The following SLC35E4 variants were observed in gnomAD, a reference collection of about 807,000 sequenced individuals.
SLC35E4 encodes solute carrier family 35, member E4.
SLC35E4 carries 15 observed loss-of-function variants against 19.3 expected under a neutral mutation model. That is an observed-to-expected ratio of 0.78 (90% CI 0.52 to 1.20). The LOEUF is 1.20. Ranked by LOEUF, SLC35E4 falls within the 50% of genes most tolerant of loss-of-function variation. The pLI, the probability that SLC35E4 is intolerant of heterozygous loss-of-function variation, is 0.00. For missense variants in SLC35E4, 406 were observed against 472.3 expected, an observed-to-expected ratio of 0.86 and a Z score of 1.30; for synonymous variants, 219 against 219.9, an observed-to-expected ratio of 1.00 and a Z score of 0.04.
At chr22:30,649,054 C>T (rs1421109086), downstream of SLC35E4, 10 of 632,656 alleles carry the variant, frequency 1.6e-5, no homozygotes, top group East Asian at 2.8e-4. Flanking sequence ...AGCCAGCTAC[C>T]TCTCCTGGAG....
At chr22:30,659,155 T>C (rs1001473367) in intron 2 of SLC35E4, among the ~76,000 whole-genome samples, 1 of 140,900 alleles carries the variant, frequency 7.1e-6, no homozygotes, top group Non-Finnish European at 1.5e-5. Flanking sequence ...AAGAAGAAAC[T>C]GAACTGATAC....
At position 30,647,619 on chromosome 22, in the gene SLC35E4, T is replaced by C. The variant is rs1390181628; in HGVS notation, c.*588T>C. 6.6e-6 allele frequency: 1 copy of C among 152,310 alleles called. No homozygotes were observed. The highest frequency in any genetic ancestry group is 1.5e-5 in the Non-Finnish European group (1 of 68,106). 9.4% of individuals were successfully genotyped at this position (152,310 alleles called of 1,614,324 possible). On this transcript the variant is annotated 3_prime_UTR_variant, in exon 2 of 2. Transcript: ENST00000343605. ...GTCCCTGTGCTTGTCAGAGTCATTA[T>C]TATGATTAATATCAATTACGATGCC... is the stretch of plus-strand genomic sequence containing the variant.
chr22:30,661,199 C>T (rs1215090691), intron 2 of SLC35E4, among the ~76,000 whole-genome samples: 1 of 151,890 alleles, frequency 6.6e-6, no homozygotes, highest in Non-Finnish European at 1.5e-5. Flanking sequence ...ACAATAGCCA[C>T]CCCCCCGCCA....
chr22:30,663,637 G>T (rs768164376), downstream of SLC35E4: 1 of 1,614,206 alleles, frequency 6.2e-7, no homozygotes, highest in Admixed American at 1.7e-5. Flanking sequence ...GACATGGCGT[G>T]GTACTTCATG....
intron 2 of SLC35E4, among the ~76,000 whole-genome samples, chr22:30,659,317 G>C (rs905710901): frequency 1.3e-5 from 2 of 152,006 alleles, no homozygotes; most frequent in Admixed American, 6.6e-5. Flanking sequence ...CAAAGAACAA[G>C]GAAAGTCTGG....
At chr22:30,664,775 A>C (rs780067353), downstream of SLC35E4, among the ~76,000 whole-genome samples, 1 of 152,244 alleles carries the variant, frequency 6.6e-6, no homozygotes, top group African/African-American at 2.4e-5. Flanking sequence ...CCTCTGAAGA[A>C]GGCCTGGGAA....
At position 30,636,997 on chromosome 22, in the gene SLC35E4, C is replaced by T. The variant is rs778183188; in HGVS notation, c.547C>T (p.Arg183Trp). 20 of 1,609,448 alleles carry T rather than the reference C, an allele frequency of 1.2e-5. No individual in the cohort carries two copies. Among genetic ancestry groups the T allele is most frequent in the East Asian group, 2.2e-5 (1 of 44,832 alleles). ...CGCCTGCAGCCTGGCTGGAGAGTTC[C>T]GGACACCCCCTACCGGCTGTGGCTT... ...GAACSLAGEF[R>W]TPPTGCGFLL... Residue 183 changes from arginine (R) to tryptophan (W), a missense_variant, in exon 1 of 2, where the codon CGG becomes TGG. Arg to Trp is a moderately radical substitution (Grantham distance 101). Coordinates refer to ENST00000343605, the MANE Select transcript of SLC35E4 (RefSeq NM_001001479.4).
exon 3 of SLC35E4, chr22:30,663,296 G>C: frequency 1.2e-6 from 1 of 800,488 alleles, no homozygotes; most frequent in Non-Finnish European, 1.9e-6. Context: ...AAAAGCTACA[G>C]CAACTCTTTT....
At chr22:30,659,423 G>A (rs1356404842) in intron 2 of SLC35E4, among the ~76,000 whole-genome samples, 2 of 151,912 alleles carry the variant, frequency 1.3e-5, no homozygotes, top group African/African-American at 4.8e-5. Context: ...GCCCAGGCTC[G>A]AGTTCAATAG....
intron 1 of SLC35E4, among the ~76,000 whole-genome samples, chr22:30,637,946 AG>A (rs1364394099): frequency 1.3e-5 from 2 of 152,112 alleles, no homozygotes; most frequent in Admixed American, 6.6e-5. Flanking sequence ...AAGTCTGGGG[AG>A]GGCTGTTGTT....
downstream of SLC35E4, chr22:30,665,408 A>G (rs913531905): frequency 2.5e-6 from 1 of 395,552 alleles, no homozygotes; most frequent in Non-Finnish European, 5.2e-6. Context: ...AGCCACTTAC[A>G]GTTCCTTAGG....
intron 1 of SLC35E4, among the ~76,000 whole-genome samples, chr22:30,639,657 G>C (rs1325623678): frequency 6.6e-6 from 1 of 152,142 alleles, no homozygotes; most frequent in Non-Finnish European, 1.5e-5. Context: ...CTGAGAAAAA[G>C]AATTCAGCAA....
intron 1 of SLC35E4, among the ~76,000 whole-genome samples, chr22:30,645,856 T>A (rs2145582022): frequency 6.7e-6 from 1 of 149,870 alleles, no homozygotes; most frequent in African/African-American, 2.5e-5. Flanking sequence ...GGTCTCGCTC[T>A]GTTGCCCAGG....
At chr22:30,653,339 G>A (rs1045294989) in intron 2 of SLC35E4, among the ~76,000 whole-genome samples, 5 of 151,240 alleles carry the variant, frequency 3.3e-5, no homozygotes, top group African/African-American at 1.2e-4. Flanking sequence ...GCCCTATCCC[G>A]ACTGCCACAA....
chr22:30,667,532 T>C (rs1327633104), downstream of SLC35E4: 1 of 152,278 alleles, frequency 6.6e-6, no homozygotes, highest in African/African-American at 2.4e-5. Context: ...GGCAAGGTTC[T>C]TCGGGAGAGA....
downstream of SLC35E4, chr22:30,652,414 CTA>C (rs1314933419): frequency 6.6e-6 from 1 of 152,174 alleles, no homozygotes; most frequent in Non-Finnish European, 1.5e-5. Flanking sequence ...AATGTTAGTC[CTA>C]TATAGGCAAT....
chr22:30,665,696 A>T, downstream of SLC35E4: 1 of 342,566 alleles, frequency 2.9e-6, no homozygotes. Context: ...GATCTGTCTG[A>T]TTATTTGATT....
intron 2 of SLC35E4, chr22:30,661,444 C>CTTTTTTTTTTTTTTTTTTTTTTTT (rs56242112): frequency 7.3e-6 from 1 of 136,478 alleles, no homozygotes; most frequent in Non-Finnish European, 1.5e-5. Flanking sequence ...TTTTCTTTTT[C>CTTTTTTTTTTTTTTTTTTTTTTTT]TTTTTTTTTT....
At chr22:30,651,369 TTTTGTGTG>T (rs1263359569), downstream of SLC35E4, among the ~76,000 whole-genome samples, 1 of 66,138 alleles carries the variant, frequency 1.5e-5, no homozygotes, top group Non-Finnish European at 2.7e-5. Flanking sequence ...CGTGGCTAAT[TTTTGTGTG>T]TGTGTGTGTG....
Sources: gnomAD v4.1 joint callset for allele counts (sites outside exome capture counted in the v4.1 genomes callset) on GRCh38, gnomAD v4.1.1 for gene constraint, MANE v1.5 for transcripts, NCBI Gene and HGNC (gene_info 2026-07-23, HGNC 2026-07-21) for gene names.